Variants in FMN2 observed in about 807,000 individuals in gnomAD.
FMN2 encodes formin 2.
A neutral mutation model predicts 142.3 loss-of-function variants in FMN2; 51 were observed. That is an observed-to-expected ratio of 0.36 (90% CI 0.29 to 0.45). The LOEUF is 0.45. Ranked by LOEUF, FMN2 falls within the 20% of genes least tolerant of loss-of-function variation. The pLI, the probability that FMN2 is intolerant of heterozygous loss-of-function variation, is 1.00. For synonymous variants in FMN2, 882 were observed against 869.8 expected (o/e 1.01, Z -0.25); for missense variants, 1,936 against 2,122.8 (o/e 0.91, Z 1.73).
In FMN2 at chr1:240,092,790, G is replaced by A. The variant is rs766474706; in HGVS notation, c.681G>A (p.Gln227=). Residue 227 remains glutamine (Q), a synonymous_variant, in exon 1 of 18, where the codon CAG becomes CAA. Coordinates refer to ENST00000319653, the MANE Select transcript of FMN2 (RefSeq NM_020066.5). ...LQQQQQQQQL[Q]GAEEPAAPPT... The stretch of plus-strand genomic sequence containing the variant: ...AACAGCAGCAGCAGCAGCAGCTCCA[G>A]GGCGCCGAGGAGCCTGCAGCGCCCC... The A allele has an allele frequency of 5.6e-6, 9 of 1,597,476 alleles. No homozygotes were observed. The highest frequency in any genetic ancestry group is 4.0e-5 in the African/African-American group (3 of 74,644).
intron 8 of FMN2, among the ~76,000 whole-genome samples, chr1:240,305,315 G>C (rs1282041873): frequency 6.6e-6 from 1 of 152,028 alleles, no homozygotes; most frequent in Admixed American, 6.6e-5. Flanking sequence ...ATTACTCTCT[G>C]TAATACAAGA....
At chr1:240,466,605 C>T (rs1229122646) in intron 16 of FMN2, among the ~76,000 whole-genome samples, 1 of 152,212 alleles carries the variant, frequency 6.6e-6, no homozygotes, top group East Asian at 1.9e-4. Flanking sequence ...TCTGTAGCAT[C>T]ACAAACTCTG....
At chr1:240,430,744 C>A (rs553114880) in intron 15 of FMN2, among the ~76,000 whole-genome samples, 96 of 151,482 alleles carry the variant, frequency 6.3e-4, no homozygotes, top group South Asian at 4.6e-3. Context: ...TTTCCTACCC[C>A]CGCATTGAAT....
chr1:240,384,792 T>A (rs1233619488), intron 14 of FMN2, among the ~76,000 whole-genome samples: 1 of 152,212 alleles, frequency 6.6e-6, no homozygotes, highest in African/African-American at 2.4e-5. Context: ...TAATTGCTAA[T>A]TTCCTGATTT....
At chr1:240,245,238 T>C (rs114567537) in intron 6 of FMN2, 57 of 276,078 alleles carry the variant, frequency 2.1e-4, no homozygotes, top group Middle Eastern at 1.3e-3. Context: ...AGAAATACAT[T>C]ATCAGGGGCC....
intron 17 of FMN2, 26 bp downstream of exon 17, chr1:240,472,479 T>C (rs112713596): frequency 6.7e-7 from 1 of 1,482,052 alleles, no homozygotes; most frequent in Non-Finnish European, 9.3e-7. Context: ...TTTTAACTTG[T>C]TATTTTCTTT....
chr1:240,134,703 A>G (rs1363228760), intron 2 of FMN2, among the ~76,000 whole-genome samples: 1 of 152,110 alleles, frequency 6.6e-6, no homozygotes, highest in Non-Finnish European at 1.5e-5. Flanking sequence ...GGGAGAAGGG[A>G]TGGGATCTGG....
At chr1:240,214,573 GAAAA>G (rs1390237678) in intron 6 of FMN2, among the ~76,000 whole-genome samples, 1 of 148,926 alleles carries the variant, frequency 6.7e-6, no homozygotes, top group Non-Finnish European at 1.5e-5. Flanking sequence ...AAAAGAAAAA[GAAAA>G]AGAAAAAGTG....
chr1:240,184,972 ACCTTCCCCTTCTCTTTCTCCCTCCT>A (rs1285784182), intron 3 of FMN2, among the ~76,000 whole-genome samples: 18 of 142,188 alleles, frequency 1.3e-4, no homozygotes, highest in African/African-American at 4.4e-4. Context: ...TCCCTCCTAT[ACCTTCCCCTTCTCTTTCTCCCTCCT>A]ATACCTTCCC....
chr1:240,158,855 G>A (rs1664143112), intron 2 of FMN2, among the ~76,000 whole-genome samples: 1 of 152,050 alleles, frequency 6.6e-6, no homozygotes, highest in African/African-American at 2.4e-5. Flanking sequence ...CTTAAAGATT[G>A]AGCTAATTAA....
intron 1 of FMN2, among the ~76,000 whole-genome samples, chr1:240,109,926 G>A (rs1461776587): frequency 6.6e-6 from 1 of 152,046 alleles, no homozygotes; most frequent in East Asian, 1.9e-4. Context: ...CCTCTAGTAG[G>A]CCTAGGACAT....
intron 6 of FMN2, among the ~76,000 whole-genome samples, chr1:240,255,937 A>G (rs184758621): frequency 2.0e-4 from 31 of 152,312 alleles, no homozygotes; most frequent in African/African-American, 6.7e-4. Context: ...AGGATACGCA[A>G]ATATTTAAGG....
intron 11 of FMN2, among the ~76,000 whole-genome samples, chr1:240,333,623 A>AG (rs950380530): frequency 1.3e-5 from 2 of 152,164 alleles, no homozygotes; most frequent in South Asian, 2.1e-4. Flanking sequence ...TTTCTAATTG[A>AG]GGGGGGTAAC....
intron 2 of FMN2, among the ~76,000 whole-genome samples, chr1:240,164,133 C>T (rs1471844957): frequency 6.6e-6 from 1 of 152,068 alleles, no homozygotes; most frequent in Non-Finnish European, 1.5e-5. Flanking sequence ...TCCTGGGCTC[C>T]AGCAGTCTTT....
intron 2 of FMN2, among the ~76,000 whole-genome samples, chr1:240,149,041 C>T (rs1185189266): frequency 6.6e-6 from 1 of 152,044 alleles, no homozygotes; most frequent in African/African-American, 2.4e-5. Flanking sequence ...ATACTGTACT[C>T]ATAAGCCTAA....
intron 16 of FMN2, among the ~76,000 whole-genome samples, chr1:240,447,846 A>G (rs1311669570): frequency 6.6e-6 from 1 of 152,218 alleles, no homozygotes; most frequent in Non-Finnish European, 1.5e-5. Context: ...GTTCACTTTC[A>G]GTGAGTGAAT....
chr1:240,205,312 C>T (rs1324616314), intron 4 of FMN2, among the ~76,000 whole-genome samples: 5 of 152,128 alleles, frequency 3.3e-5, no homozygotes, highest in Non-Finnish European at 7.4e-5. Flanking sequence ...AATTAAAGTA[C>T]GATTGACACT....
chr1:240,173,668 TTCTGCAGACACGGAGGAACCATGG>T (rs1469067730), intron 2 of FMN2, among the ~76,000 whole-genome samples: 14 of 152,138 alleles, frequency 9.2e-5, no homozygotes, highest in African/African-American at 3.1e-4. Context: ...TGGGATTTGA[TTCTGCAGACACGGAGGAACCATGG>T]AAGAAATCTG....
intron 6 of FMN2, among the ~76,000 whole-genome samples, chr1:240,228,344 A>G (rs1667414728): frequency 1.3e-5 from 1 of 78,976 alleles, no homozygotes; most frequent in Non-Finnish European, 2.4e-5. Context: ...AAAAAGAAAA[A>G]GAAAAAGAAA....
Sources: allele counts gnomAD v4.1 joint callset (sites outside exome capture counted in the v4.1 genomes callset), GRCh38; gene constraint gnomAD v4.1.1; transcripts MANE v1.5; gene names NCBI Gene and HGNC (gene_info 2026-07-23, HGNC 2026-07-21).